DSCAM: variants seen among roughly 807,000 people sequenced by gnomAD.
DSCAM encodes DS cell adhesion molecule, also known as cell adhesion molecule DSCAM.
A neutral mutation model predicts 217.7 loss-of-function variants in DSCAM; 47 were observed. The ratio of observed to expected loss-of-function variants is 0.22; its 90% CI spans 0.17 to 0.28. DSCAM has a LOEUF of 0.28. DSCAM is among the 10% of genes least tolerant of loss of function. The pLI is 1.00. For missense variants in DSCAM, 2,080 were observed against 2,618.3 expected, an observed-to-expected ratio of 0.79 and a Z score of 4.49; for synonymous variants, 1,056 against 1,015.3, an observed-to-expected ratio of 1.04 and a Z score of -0.76.
chr21:40,049,099 G>A (rs1276167906), intron 30 of DSCAM, among the ~76,000 whole-genome samples: 1 of 152,178 alleles, frequency 6.6e-6, no homozygotes, highest in Non-Finnish European at 1.5e-5. Flanking sequence ...TTTGCTTGAT[G>A]TTGGTAAACA....
In DSCAM at chr21:40,055,817, G is replaced by C. The variant is rs567402114; in HGVS notation, c.4943C>G (p.Thr1648Arg). The C allele has an allele frequency of 6.2e-7, 1 of 1,613,424 alleles. No individual in the cohort carries two copies. Among genetic ancestry groups the C allele is most frequent in the Admixed American group, 1.7e-5 (1 of 59,984 alleles). Residue 1648 changes from threonine to arginine, a missense_variant, in exon 29 of 33, where the codon ACG becomes AGG. Transcript: ENST00000400454. Reference sequence around the variant, plus strand: ...CAGGGTCTGCTGTTGCTTGCTTAACGTATCTGAAGTCCGGGTATTCTTACT... The same window carrying C: ...CAGGGTCTGCTGTTGCTTGCTTAACCTATCTGAAGTCCGGGTATTCTTACT... ...LMSKNTRTSDTLSKQQQTLRM... is the reference protein window; with the variant it reads ...LMSKNTRTSDRLSKQQQTLRM...
intron 3 of DSCAM, among the ~76,000 whole-genome samples, chr21:40,563,149 T>C (rs1273443641): frequency 1.3e-5 from 2 of 152,054 alleles, no homozygotes; most frequent in Non-Finnish European, 2.9e-5. Flanking sequence ...CAGTGTGTTC[T>C]TGCACACTGA....
At chr21:40,318,224 T>C (rs372223563) in intron 8 of DSCAM, among the ~76,000 whole-genome samples, 2 of 148,988 alleles carry the variant, frequency 1.3e-5, no homozygotes, top group African/African-American at 2.5e-5. Context: ...TTAGGAGATA[T>C]ACCTAATGCT....
intron 10 of DSCAM, among the ~76,000 whole-genome samples, chr21:40,283,951 CG>C (rs2123407799): frequency 6.6e-6 from 1 of 152,204 alleles, no homozygotes; most frequent in South Asian, 2.1e-4. Flanking sequence ...AATGGTCAGG[CG>C]GTAAGCTGTT....
At chr21:40,792,559 T>C (rs777595449) in intron 1 of DSCAM, among the ~76,000 whole-genome samples, 1 of 152,150 alleles carries the variant, frequency 6.6e-6, no homozygotes, top group Non-Finnish European at 1.5e-5. Flanking sequence ...AGCATATGAA[T>C]TCTGGAGGAA....
intron 4 of DSCAM, among the ~76,000 whole-genome samples, chr21:40,361,139 A>G (rs938515978): frequency 6.6e-6 from 1 of 151,082 alleles, no homozygotes; most frequent in Non-Finnish European, 1.5e-5. Context: ...TTATATATAT[A>G]TATATATTAC....
intron 25 of DSCAM, 89 bp from the exon 26 acceptor site, chr21:40,079,066 C>T: frequency 1.4e-6 from 2 of 1,450,234 alleles, no homozygotes; most frequent in Non-Finnish European, 1.9e-6. Flanking sequence ...CTGCTTCCTC[C>T]AGCGAGGCCA....
intron 1 of DSCAM, among the ~76,000 whole-genome samples, chr21:40,722,579 C>A (rs942025849): frequency 2.0e-5 from 3 of 151,924 alleles, no homozygotes; most frequent in African/African-American, 7.2e-5. Flanking sequence ...AAAAAATACT[C>A]CATTAATCCA....
At chr21:40,419,726 AGATAT>A (rs1466254751) in intron 3 of DSCAM, among the ~76,000 whole-genome samples, 3 of 152,228 alleles carry the variant, frequency 2.0e-5, no homozygotes, top group Non-Finnish European at 1.5e-5. Flanking sequence ...TTATGTCAAA[AGATAT>A]GATATGGTCA....
chr21:40,444,737 T>G lies in DSCAM; in HGVS notation c.509-75492A>C, dbSNP rs2075660369. On this transcript the variant is annotated intron_variant, in intron 3 of 32. Coordinates refer to ENST00000400454, the MANE Select transcript of DSCAM (RefSeq NM_001389.5). Reference sequence around the variant, plus strand: ...CATGATGTTGTAACTTGCTCCAAAGTAGAGAAGGGAATAGGATCAAGGTCT... The same window carrying G: ...CATGATGTTGTAACTTGCTCCAAAGGAGAGAAGGGAATAGGATCAAGGTCT... Among the ~76,000 whole-genome samples the G allele has an allele frequency of 2.0e-5, 3 of 152,180 alleles. No homozygotes were observed. In the South Asian group the frequency reaches 6.2e-4, roughly 32 times the overall value.
intron 3 of DSCAM, among the ~76,000 whole-genome samples, chr21:40,605,711 C>G (rs1396512868): frequency 6.9e-6 from 1 of 145,572 alleles, no homozygotes; most frequent in Non-Finnish European, 1.5e-5. Flanking sequence ...GGGGCCAAGA[C>G]ATTAGTAAAC....
intron 3 of DSCAM, among the ~76,000 whole-genome samples, chr21:40,481,698 T>A (rs2075984372): frequency 6.6e-6 from 1 of 152,152 alleles, no homozygotes; most frequent in African/African-American, 2.4e-5. Flanking sequence ...TTAAAGTTCA[T>A]AATAAAGCCA....
At chr21:40,693,965 T>A (rs1177710787) in intron 2 of DSCAM, among the ~76,000 whole-genome samples, 1 of 152,138 alleles carries the variant, frequency 6.6e-6, no homozygotes, top group Non-Finnish European at 1.5e-5. Flanking sequence ...CCTCTCACCA[T>A]CTATACCATG....
At chr21:40,594,852 T>C (rs1220167927) in intron 3 of DSCAM, among the ~76,000 whole-genome samples, 1 of 152,180 alleles carries the variant, frequency 6.6e-6, no homozygotes, top group African/African-American at 2.4e-5. Flanking sequence ...TCAGTCTTTG[T>C]AGAGGGAACC....
intron 3 of DSCAM, among the ~76,000 whole-genome samples, chr21:40,401,178 T>G (rs1002554850): frequency 2.6e-5 from 4 of 152,104 alleles, no homozygotes; most frequent in African/African-American, 9.6e-5. Context: ...AAAGTAACAG[T>G]AACAGGAAAA....
intron 28 of DSCAM, among the ~76,000 whole-genome samples, chr21:40,059,058 C>T (rs1444040708): frequency 1.3e-5 from 2 of 152,320 alleles, no homozygotes; most frequent in East Asian, 3.9e-4. Flanking sequence ...GCCACTGCCA[C>T]TCTTCAAAGT....
chr21:40,392,439 G>A (rs779728662), intron 3 of DSCAM, among the ~76,000 whole-genome samples: 7 of 152,110 alleles, frequency 4.6e-5, no homozygotes, highest in Non-Finnish European at 8.8e-5. Flanking sequence ...GGATGAGAGT[G>A]GATTAGAAAA....
intron 16 of DSCAM, among the ~76,000 whole-genome samples, chr21:40,160,320 T>A (rs2090526680): frequency 6.6e-6 from 1 of 152,234 alleles, no homozygotes; most frequent in South Asian, 2.1e-4. Flanking sequence ...TGAAATTTAA[T>A]CCAGTACTTT....
intron 3 of DSCAM, among the ~76,000 whole-genome samples, chr21:40,502,835 T>A (rs1248919052): frequency 6.6e-6 from 1 of 152,192 alleles, no homozygotes; most frequent in Non-Finnish European, 1.5e-5. Flanking sequence ...ACAGGCATTT[T>A]TGGGGAGTCA....
Sources: allele counts gnomAD v4.1 joint callset (sites outside exome capture counted in the v4.1 genomes callset), GRCh38; gene constraint gnomAD v4.1.1; transcripts MANE v1.5; gene names NCBI Gene and HGNC (gene_info 2026-07-23, HGNC 2026-07-21).